PREP: variants seen among roughly 807,000 people sequenced by gnomAD.
PREP encodes prolyl endopeptidase.
A neutral mutation model predicts 87.6 loss-of-function variants in PREP; 29 were observed. That is an observed-to-expected ratio of 0.33 (90% CI 0.25 to 0.45). The LOEUF (loss-of-function observed/expected upper bound fraction) is 0.45, where lower values mean the gene tolerates loss of function less well. Ranked by LOEUF, PREP falls within the 20% of genes least tolerant of loss-of-function variation. The pLI is 1.00. For missense variants in PREP, 695 were observed against 886.5 expected (o/e 0.78, Z 2.74); for synonymous variants, 337 against 328.6 (o/e 1.03, Z -0.28).
At chr6:105,359,148 A>G (rs1772178184) in intron 6 of PREP, among the ~76,000 whole-genome samples, 1 of 152,220 alleles carries the variant, frequency 6.6e-6, no homozygotes, top group Non-Finnish European at 1.5e-5. Flanking sequence ...AGATTTATCA[A>G]GAGTCTACCA....
intron 2 of PREP, among the ~76,000 whole-genome samples, chr6:105,396,003 G>C (rs9486076): frequency 0.28 from 43,280 of 152,104 alleles, 7,695 homozygotes; most frequent in African/African-American, 0.51. Context: ...TGGCAGGGAT[G>C]AAGTGGGGAG....
Position 105,401,678 on chromosome 6 carries a change from C to T in PREP, c.45+1169G>A, listed in dbSNP as rs529188009. ...TGTTAGGGTAAATTTAATAAGCAAG[C>T]AGCTGAGCAGACTGAGAAAACATGG... On this transcript the variant is annotated intron_variant, in intron 1 of 14. Transcript: ENST00000652536. Among the ~76,000 whole-genome samples, 44 of 152,264 alleles carry T rather than the reference C, an allele frequency of 2.9e-4. 1 individual carries two copies. Among genetic ancestry groups the T allele is most frequent in the Admixed American group, 2.7e-3 (42 of 15,298 alleles).
intron 10 of PREP, among the ~76,000 whole-genome samples, chr6:105,297,330 G>T (rs906369354): frequency 7.9e-5 from 12 of 152,080 alleles, no homozygotes; most frequent in African/African-American, 2.9e-4. Context: ...GTGGAGTTGT[G>T]GTAGGAATAT....
chr6:105,362,356 G>T (rs564742548), intron 6 of PREP, among the ~76,000 whole-genome samples: 22 of 152,220 alleles, frequency 1.4e-4, no homozygotes, highest in Admixed American at 5.2e-4. Context: ...AACTACTCGG[G>T]AGGCTGAGGG....
chr6:105,284,892 T>A (rs569029828), intron 12 of PREP, among the ~76,000 whole-genome samples: 1 of 152,334 alleles, frequency 6.6e-6, no homozygotes, highest in Admixed American at 6.5e-5. Flanking sequence ...GGCCACAGAA[T>A]GGAGACGGAA....
intron 10 of PREP, 29 bp from the exon 11 acceptor site, chr6:105,288,923 T>C (rs1471346248): frequency 6.3e-7 from 1 of 1,596,592 alleles, no homozygotes; most frequent in Non-Finnish European, 8.6e-7. Flanking sequence ...GAATATAAGA[T>C]TTAGCATTAC....
chr6:105,331,741 C>T (rs1236829044), intron 8 of PREP, among the ~76,000 whole-genome samples: 1 of 152,128 alleles, frequency 6.6e-6, no homozygotes. Flanking sequence ...AATAAATGGT[C>T]AAAAATCTGT....
chr6:105,362,838 G>A (rs925946376), intron 6 of PREP, among the ~76,000 whole-genome samples: 2 of 152,164 alleles, frequency 1.3e-5, no homozygotes, highest in Admixed American at 6.5e-5. Flanking sequence ...ACTGGTCCAA[G>A]TCAAAAACAG....
Position 105,288,770 on chromosome 6 carries a change from G to A in PREP, c.1442C>T (p.Thr481Ile). ...GTTCCGAGCTCACCTGTAGTTGGGT[G>A]TGATGGATATGTTGAAGCCGCCATA... ...YGYGGFNISI[T>I]PNYSVSRLIF... The change falls in exon 11 of 15, where the codon ACA becomes ATA. Residue 481 changes from threonine to isoleucine, a missense_variant. Thr to Ile is a moderately conservative substitution (Grantham distance 89). Coordinates refer to ENST00000652536, the MANE Select transcript of PREP (RefSeq NM_002726.5). The A allele has an allele frequency of 6.2e-7, 1 of 1,614,124 alleles. No individual in the cohort carries two copies. The highest frequency in any genetic ancestry group is 1.6e-4 in the Middle Eastern group (1 of 6,062).
chr6:105,401,591 T>A (rs905589562), intron 1 of PREP, among the ~76,000 whole-genome samples: 1 of 150,286 alleles, frequency 6.7e-6, no homozygotes, highest in African/African-American at 2.5e-5. Flanking sequence ...TCCAGCAGGA[T>A]CACTTTACTC....
intron 10 of PREP, among the ~76,000 whole-genome samples, chr6:105,316,673 C>A (rs181883836): frequency 2.6e-5 from 4 of 152,264 alleles, no homozygotes; most frequent in African/African-American, 9.6e-5. Flanking sequence ...GCAGTAAAAT[C>A]TCCATTAATA....
At chr6:105,336,431 G>A (rs1471253111) in intron 7 of PREP, among the ~76,000 whole-genome samples, 1 of 152,016 alleles carries the variant, frequency 6.6e-6, no homozygotes, top group Admixed American at 6.5e-5. Context: ...CACATAAAAG[G>A]TCTATTAAAA....
chr6:105,375,008 T>C (rs1431299653), intron 4 of PREP, among the ~76,000 whole-genome samples: 1 of 152,072 alleles, frequency 6.6e-6, no homozygotes, highest in Non-Finnish European at 1.5e-5. Flanking sequence ...TGAATTCCTA[T>C]ATGGGATATG....
Position 105,398,269 on chromosome 6 carries a change from A to G in PREP, c.46-342T>C, listed in dbSNP as rs553681449. Among the ~76,000 whole-genome samples, 4 of 152,340 alleles carry G rather than the reference A, an allele frequency of 2.6e-5. No individual in the cohort carries two copies. The South Asian group carries it at 8.3e-4, about 32-fold the overall frequency. On this transcript the variant is annotated intron_variant, in intron 1 of 14. Coordinates refer to ENST00000652536, the MANE Select transcript of PREP (RefSeq NM_002726.5). ...AGCCAAGCACAGAATGACACAATAC[A>G]GTGGACAATACAGTGGGCACACAAG...
chr6:105,318,929 G>A (rs1000729093), intron 10 of PREP, among the ~76,000 whole-genome samples: 1 of 152,158 alleles, frequency 6.6e-6, no homozygotes, highest in Non-Finnish European at 1.5e-5. Flanking sequence ...AAGTTAATGA[G>A]TATTGAAACA....
At chr6:105,398,710 A>T (rs1189524285) in intron 1 of PREP, among the ~76,000 whole-genome samples, 1 of 152,128 alleles carries the variant, frequency 6.6e-6, no homozygotes, top group Non-Finnish European at 1.5e-5. Context: ...CGTTTGAAGG[A>T]GCAAGTAGAA....
At position 105,276,918 on chromosome 6, in the gene PREP, A is replaced by AATC. The variant is rs967122203; in HGVS notation, c.*1223_*1225dup. On this transcript the variant is annotated 3_prime_UTR_variant, in exon 15 of 15. Coordinates refer to ENST00000652536, the MANE Select transcript of PREP (RefSeq NM_002726.5). The stretch of plus-strand genomic sequence containing the variant: ...GTACAAATTATTGGAATAATGAAGT[A>AATC]ATCTTTTAAGCTATTTTATATAAGG... 2.0e-5 allele frequency among the ~76,000 whole-genome samples: 3 copies of AATC among 152,204 alleles called. No individual in the cohort carries two copies. The highest frequency in any genetic ancestry group is 2.9e-5 in the Non-Finnish European group (2 of 68,030).
At chr6:105,285,054 G>C (rs1023846857) in intron 12 of PREP, among the ~76,000 whole-genome samples, 5 of 152,186 alleles carry the variant, frequency 3.3e-5, no homozygotes, top group Non-Finnish European at 7.3e-5. Context: ...AAAGCTCCAA[G>C]ATTGCTCCTT....
At chr6:105,303,365 G>A (rs865915515) in intron 10 of PREP, among the ~76,000 whole-genome samples, 5 of 151,954 alleles carry the variant, frequency 3.3e-5, no homozygotes, top group South Asian at 2.1e-4. Flanking sequence ...CAAAGTCCAC[G>A]TTTTAGACCA....
Sources: allele counts gnomAD v4.1 joint callset (sites outside exome capture counted in the v4.1 genomes callset), GRCh38; gene constraint gnomAD v4.1.1; transcripts MANE v1.5; gene names NCBI Gene and HGNC (gene_info 2026-07-23, HGNC 2026-07-21).